COPB1: variants seen among roughly 807,000 people sequenced by gnomAD.
COPB1 encodes the protein coat protein complex I subunit beta 1.
COPB1 carries 21 observed loss-of-function variants against 108.7 expected under a neutral mutation model. The ratio of observed to expected loss-of-function variants is 0.19; its 90% CI spans 0.14 to 0.28. The LOEUF is 0.28. COPB1 is among the 10% of genes least tolerant of loss of function. The pLI is 1.00. For missense variants in COPB1, 919 were observed against 1,141.3 expected, an observed-to-expected ratio of 0.81 and a Z score of 2.81; for synonymous variants, 378 against 386.8, an observed-to-expected ratio of 0.98 and a Z score of 0.27.
At chr11:14,490,751 T>G (rs1195570779) in intron 4 of COPB1, 72 bp from the exon 5 acceptor site, 1 of 757,376 alleles carries the variant, frequency 1.3e-6, no homozygotes, top group Non-Finnish European at 2.1e-6. Flanking sequence ...CTCTGGACAA[T>G]ACCAAAATTA....
In COPB1 at chr11:14,484,225, C is replaced by T. The variant is rs531718518; in HGVS notation, c.838-1074G>A. ...AACTAGCACAGATTGGAGGAGACTA[C>T]GATATGACCACTGCATACAATATGG... On this transcript the variant is annotated intron_variant, in intron 7 of 21. Coordinates refer to ENST00000439561, the MANE Select transcript of COPB1 (RefSeq NM_001144061.2). Among the ~76,000 whole-genome samples, 10 of 152,168 alleles carry T rather than the reference C, an allele frequency of 6.6e-5. No individual in the cohort carries two copies. The South Asian group carries it at 8.3e-4, about 13-fold the overall frequency.
chr11:14,468,037 T>A (rs1029679137), intron 16 of COPB1, among the ~76,000 whole-genome samples: 5 of 152,270 alleles, frequency 3.3e-5, no homozygotes, highest in Admixed American at 3.3e-4. Flanking sequence ...AAATGGCAAA[T>A]CTTTTGCAAC....
intron 2 of COPB1, among the ~76,000 whole-genome samples, chr11:14,496,892 C>T (rs1030287489): frequency 6.6e-6 from 1 of 152,058 alleles, no homozygotes; most frequent in Non-Finnish European, 1.5e-5. Context: ...GAAACAAATC[C>T]ATACACCTAC....
At chr11:14,458,848 C>T (rs1850083022) in intron 20 of COPB1, among the ~76,000 whole-genome samples, 161 bp from the exon 21 acceptor site, 1 of 151,112 alleles carries the variant, frequency 6.6e-6, no homozygotes, top group Non-Finnish European at 1.5e-5. Flanking sequence ...CGGCTCACTG[C>T]AACCTTCCTC....
chr11:14,482,946 G>C (rs538807897), intron 8 of COPB1, 86 bp downstream of exon 8: 8 of 1,286,750 alleles, frequency 6.2e-6, no homozygotes, highest in African/African-American at 1.5e-5. Context: ...CAAGCATTTA[G>C]GTTAACCAAG....
At chr11:14,496,055 C>A (rs1304569775) in intron 2 of COPB1, among the ~76,000 whole-genome samples, 1 of 152,078 alleles carries the variant, frequency 6.6e-6, no homozygotes, top group African/African-American at 2.4e-5. Context: ...GGAGGTATTC[C>A]ATTACTGCTG....
chr11:14,483,119 A>G lies in COPB1; in HGVS notation c.870T>C (p.Ile290=). The change falls in exon 8 of 22, where the codon ATT becomes ATC. Residue 290 remains isoleucine, a synonymous_variant. Coordinates refer to ENST00000439561, the MANE Select transcript of COPB1 (RefSeq NM_001144061.2). ...AAAQCYIDLI[I]KESDNNVKLI... is the part of the protein sequence containing the mutation. ...GTTTTACATTGTTGTCGCTCTCCTTAATAATTAAATCAATGTAACACTGAG... is the reference window on the plus strand; with the variant it reads ...GTTTTACATTGTTGTCGCTCTCCTTGATAATTAAATCAATGTAACACTGAG... 1 of 1,587,800 alleles carries G rather than the reference A, an allele frequency of 6.3e-7. No individual in the cohort carries two copies. Among genetic ancestry groups the G allele is most frequent in the Middle Eastern group, 1.7e-4 (1 of 5,806 alleles).
In COPB1 at chr11:14,480,784, T is replaced by A; in HGVS notation, c.1187A>T (p.Asp396Val). The A allele has an allele frequency of 6.2e-7, 1 of 1,613,908 alleles. No homozygotes were observed. The highest frequency in any genetic ancestry group is 8.5e-7 in the Non-Finnish European group (1 of 1,179,924). Reference protein sequence around the residue: ...TLHSCSVRFPDMAANVIPVLM... With the variant: ...TLHSCSVRFPVMAANVIPVLM... ...CACAGGAATAACATTTGCAGCCATA[T>A]CTGGAAATCGGACAGAACAGGAATG... The change falls in exon 10 of 22, where the codon GAT becomes GTT. Residue 396 changes from aspartate to valine, a missense_variant. Asp to Val is a radical substitution (Grantham distance 152). This residue lies in a region of COPB1 where 705 missense variants were observed against 817.8 expected (regional missense o/e 0.86). Transcript: ENST00000439561.
chr11:14,465,407 A>T (rs1040689778), intron 17 of COPB1, among the ~76,000 whole-genome samples: 2 of 152,126 alleles, frequency 1.3e-5, no homozygotes, highest in African/African-American at 4.8e-5. Context: ...ATCATAGCTC[A>T]CTACAGCCCT....
intron 12 of COPB1, among the ~76,000 whole-genome samples, chr11:14,476,279 T>C (rs1850517855): frequency 6.6e-6 from 1 of 152,236 alleles, no homozygotes; most frequent in Non-Finnish European, 1.5e-5. Flanking sequence ...CAGATGGTCA[T>C]TAAGTCGTAT....
intron 2 of COPB1, among the ~76,000 whole-genome samples, chr11:14,497,483 CAAT>C (rs2134131919): frequency 6.6e-6 from 1 of 152,224 alleles, no homozygotes; most frequent in African/African-American, 2.4e-5. Flanking sequence ...ATCAAAACTA[CAAT>C]GAGATATCAT....
Position 14,461,665 on chromosome 11 carries a change from A to C in COPB1, c.2411-334T>G, listed in dbSNP as rs77982855. On this transcript the variant is annotated intron_variant, in intron 18 of 21. Coordinates refer to ENST00000439561, the MANE Select transcript of COPB1 (RefSeq NM_001144061.2). ...TTTTTGTGGTTAAACAAATAATTCA[A>C]TTCAGTGAGTACTTACATAGCAGTT... 1.3e-4 allele frequency among the ~76,000 whole-genome samples: 20 copies of C among 152,354 alleles called. No homozygotes were observed. The East Asian group carries it at 3.9e-3, about 29-fold the overall frequency.
At chr11:14,482,791 C>T (rs1474994200) in intron 8 of COPB1, among the ~76,000 whole-genome samples, 1 of 152,230 alleles carries the variant, frequency 6.6e-6, no homozygotes, top group East Asian at 1.9e-4. Flanking sequence ...CCGCCTCTGC[C>T]TCCCAAAGTG....
chr11:14,491,799 C>A (rs1850912332), intron 4 of COPB1, among the ~76,000 whole-genome samples: 2 of 152,172 alleles, frequency 1.3e-5, no homozygotes, highest in African/African-American at 2.4e-5. Flanking sequence ...CATCTGTTAA[C>A]CAATGTCTCT....
intron 20 of COPB1, 23 bp from the exon 21 acceptor site, chr11:14,458,710 T>A: frequency 6.2e-7 from 1 of 1,604,112 alleles, no homozygotes; most frequent in Non-Finnish European, 8.5e-7. Context: ...TGTGATAAAT[T>A]CATTACTTTA....
At chr11:14,477,725 T>C (rs1850559003) in intron 11 of COPB1, among the ~76,000 whole-genome samples, 3 of 151,802 alleles carry the variant, frequency 2.0e-5, no homozygotes, top group South Asian at 2.1e-4. Context: ...TGAAACCTCG[T>C]CTCTACTGAA....
chr11:14,461,100 C>A, intron 19 of COPB1, 86 bp downstream of exon 19: 1 of 1,525,056 alleles, frequency 6.6e-7, no homozygotes, highest in Non-Finnish European at 9.0e-7. Context: ...CACTTTTTAG[C>A]GAGATTAATT....
chr11:14,465,298 A>G (rs1850261654), intron 17 of COPB1, among the ~76,000 whole-genome samples: 1 of 152,182 alleles, frequency 6.6e-6, no homozygotes, highest in Admixed American at 6.5e-5. Flanking sequence ...GAATAATTCC[A>G]TATTTAATTT....
Position 14,488,541 on chromosome 11 carries a change from T to G in COPB1, c.650A>C (p.Gln217Pro). 3 of 1,608,664 alleles carry G rather than the reference T, an allele frequency of 1.9e-6. No homozygotes were observed. The highest frequency in any genetic ancestry group is 2.5e-6 in the Non-Finnish European group (3 of 1,176,750). Residue 217 changes from glutamine (Q) to proline (P), a missense_variant, in exon 6 of 22, where the codon CAA becomes CCA. Physicochemically the swap from Gln to Pro is moderately conservative, Grantham distance 76. This residue lies in a region of COPB1 where 78 missense variants were observed against 95.4 expected (regional missense o/e 0.82). Coordinates refer to ENST00000439561, the MANE Select transcript of COPB1 (RefSeq NM_001144061.2). Reference protein sequence around the residue: ...DYLSTCIDQVQTFGDILQLVI... With the variant: ...DYLSTCIDQVPTFGDILQLVI... ...CAGCTGCAGAATGTCTCCAAATGTT[T>G]GAACTTGATCAATGCAAGTACTTAA...
Sources: gnomAD v4.1 joint callset for allele counts (sites outside exome capture counted in the v4.1 genomes callset) on GRCh38, gnomAD v4.1.1 for gene constraint, gnomAD v4.1.1 regional missense constraint, MANE v1.5 for transcripts, NCBI Gene and HGNC (gene_info 2026-07-23, HGNC 2026-07-21) for gene names.